The following ANO6 variants were observed in gnomAD, a reference collection of about 807,000 sequenced individuals.
ANO6 encodes the protein anoctamin-6.
In ANO6, 106 loss-of-function variants were observed where a neutral mutation model predicts 117.5. The observed-to-expected ratio is 0.90, with a 90% CI of 0.77 to 1.06. The LOEUF (loss-of-function observed/expected upper bound fraction) is 1.06. Ranked by LOEUF, ANO6 falls within the 50% of genes least tolerant of loss-of-function variation. ANO6 has a pLI of 0.00. For missense variants in ANO6, 955 were observed against 1,121.1 expected (o/e 0.85, Z 2.12); for synonymous variants, 367 against 385.1 (o/e 0.95, Z 0.55).
At chr12:45,333,502 A>T (rs6582545) in intron 3 of ANO6, among the ~76,000 whole-genome samples, 60,726 of 151,822 alleles carry the variant, frequency 0.4, 12,621 homozygotes, top group South Asian at 0.58. Context: ...TACTGCCATG[A>T]TGAAGGGCCC....
In ANO6 at chr12:45,309,922, G is replaced by A. The variant is rs17095721; in HGVS notation, c.150+7829G>A. On this transcript the variant is annotated intron_variant, in intron 2 of 19. Transcript: ENST00000320560. ...CAAAGGAACATTAATTTGGCAAAAG[G>A]ACTCTGAAAAGGGGGAAATGAGATC... Among the ~76,000 whole-genome samples the A allele has an allele frequency of 2.0e-5, 3 of 152,044 alleles. No individual in the cohort carries two copies. The South Asian group carries it at 6.2e-4, about 32-fold the overall frequency.
chr12:45,331,617 A>C (rs1297421246), intron 3 of ANO6, among the ~76,000 whole-genome samples, 194 bp downstream of exon 3: 1 of 152,112 alleles, frequency 6.6e-6, no homozygotes, highest in African/African-American at 2.4e-5. Context: ...AAACTTCCTC[A>C]GGCTCTTAAC....
At chr12:45,392,353 C>T (rs1422814018) in intron 12 of ANO6, among the ~76,000 whole-genome samples, 1 of 152,208 alleles carries the variant, frequency 6.6e-6, no homozygotes, top group Non-Finnish European at 1.5e-5. Context: ...CCAGGAAGCT[C>T]AAACTGGGCA....
chr12:45,348,538 G>A lies in ANO6; in HGVS notation c.654G>A (p.Arg218=). Residue 218 remains arginine, a synonymous_variant, in exon 6 of 20, where the codon CGG becomes CGA. Transcript: ENST00000320560. ...TTTAGGTTTACTTCATCCTCTCTCGGGTCAAGTATCAAGTGATAAACAATG... is the reference window on the plus strand; with the variant it reads ...TTTAGGTTTACTTCATCCTCTCTCGAGTCAAGTATCAAGTGATAAACAATG... ...RSRIVYFILS[R]VKYQVINNVS... The A allele has an allele frequency of 6.2e-7, 1 of 1,613,752 alleles. No homozygotes were observed. The highest frequency in any genetic ancestry group is 8.5e-7 in the Non-Finnish European group (1 of 1,179,854).
chr12:45,229,492 C>T (rs565045811), intron 1 of ANO6, among the ~76,000 whole-genome samples: 4 of 149,464 alleles, frequency 2.7e-5, no homozygotes, highest in Non-Finnish European at 4.4e-5. Context: ...TGGGTTCAAG[C>T]GAGTCTCCTG....
Position 45,293,071 on chromosome 12 carries a change from T to G in ANO6, c.71-8943T>G, listed in dbSNP as rs60840825. Reference sequence around the variant, plus strand: ...TTGAAGGGACACTGTATTATTAGTCTGCTTTGTGTGTGTGTCACAGTATGG... The same window carrying G: ...TTGAAGGGACACTGTATTATTAGTCGGCTTTGTGTGTGTGTCACAGTATGG... On this transcript the variant is annotated intron_variant, in intron 1 of 19. Coordinates refer to ENST00000320560, the MANE Select transcript of ANO6 (RefSeq NM_001025356.3). 3.4e-3 allele frequency: 4,398 copies of G among 1,276,388 alleles called. 88 individuals carry two copies. The African/African-American group carries it at 0.054, about 16-fold the overall frequency. 79.1% of individuals were successfully genotyped at this position (1,276,388 alleles called of 1,614,324 possible).
Position 45,378,131 on chromosome 12 carries a change from T to C in ANO6, c.1165+18T>C. 1 of 1,603,528 alleles carries C rather than the reference T, an allele frequency of 6.2e-7. No individual in the cohort carries two copies. The highest frequency in any genetic ancestry group is 8.5e-7 in the Non-Finnish European group (1 of 1,174,260). The stretch of plus-strand genomic sequence containing the variant: ...AGTATGGGGTAAGTTTTTTTTTTTT[T>C]TTTCATGCACTCAATTTGATAGTAT... On this transcript the variant is annotated intron_variant, in intron 10 of 19. Transcript: ENST00000320560.
intron 3 of ANO6, chr12:45,335,663 A>G (rs2137414062): frequency 6.6e-6 from 1 of 152,182 alleles, no homozygotes; most frequent in Non-Finnish European, 1.5e-5. Flanking sequence ...TTTCTTAAAA[A>G]GTCCAAAATT....
At chr12:45,366,232 CT>C (rs922872755) in intron 8 of ANO6, among the ~76,000 whole-genome samples, 2 of 151,508 alleles carry the variant, frequency 1.3e-5, no homozygotes, top group African/African-American at 4.9e-5. Flanking sequence ...ATTTTTCTCC[CT>C]TTAATGTTAT....
chr12:45,287,562 C>T (rs768902646), intron 1 of ANO6, among the ~76,000 whole-genome samples: 2 of 152,172 alleles, frequency 1.3e-5, no homozygotes, highest in Non-Finnish European at 2.9e-5. Context: ...TGAAAAGTAG[C>T]TGGCTCCTGG....
intron 15 of ANO6, among the ~76,000 whole-genome samples, chr12:45,408,384 T>A (rs1388449732): frequency 6.6e-6 from 1 of 152,184 alleles, no homozygotes; most frequent in Non-Finnish European, 1.5e-5. Context: ...CACCTCATTT[T>A]ACTGCCAACT....
intron 3 of ANO6, among the ~76,000 whole-genome samples, chr12:45,337,858 G>A (rs1488126188): frequency 2.0e-5 from 3 of 151,848 alleles, no homozygotes; most frequent in South Asian, 2.1e-4. Flanking sequence ...CATTATATAT[G>A]CATATTTTAA....
chr12:45,361,286 T>A (rs1252786457), intron 8 of ANO6, among the ~76,000 whole-genome samples: 1 of 152,154 alleles, frequency 6.6e-6, no homozygotes, highest in African/African-American at 2.4e-5. Flanking sequence ...CTAAGTACAT[T>A]GTTCTTTTGA....
chr12:45,345,124 G>A (rs1941093956), intron 3 of ANO6, among the ~76,000 whole-genome samples: 1 of 152,132 alleles, frequency 6.6e-6, no homozygotes, highest in Non-Finnish European at 1.5e-5. Context: ...ATAGTTAAAT[G>A]TACTATATCT....
chr12:45,348,355 T>G (rs374635773), intron 5 of ANO6, 40 bp downstream of exon 5: 12 of 1,613,238 alleles, frequency 7.4e-6, no homozygotes, highest in Non-Finnish European at 9.3e-6. Context: ...TTGGGGTAAT[T>G]TGGAACCTGC....
rs1030010897 is a variant in ANO6, at chr12:45,216,155, G to C, written c.-167G>C. 14 of 721,822 alleles carry C rather than the reference G, an allele frequency of 1.9e-5. No homozygotes were observed. Among genetic ancestry groups the C allele is most frequent in the South Asian group, 1.2e-4 (7 of 56,546 alleles). 44.7% of individuals were successfully genotyped at this position (721,822 alleles called of 1,614,324 possible). A position where few individuals can be genotyped will look rare whatever the true frequency, so the allele number is the denominator to read the frequency against. ...CTCCGGCTCTGGGCTCCGGTCGGTG[G>C]GTGCCTCGGCTCGGCTTTCCCCGGC... On this transcript the variant is annotated 5_prime_UTR_variant, in exon 1 of 20. Transcript: ENST00000320560.
intron 2 of ANO6, among the ~76,000 whole-genome samples, chr12:45,325,688 CTATT>C (rs1292805286): frequency 6.6e-6 from 1 of 152,050 alleles, no homozygotes; most frequent in Non-Finnish European, 1.5e-5. Context: ...CATTTATTGA[CTATT>C]TATTGTTCTG....
At chr12:45,260,904 C>T (rs962931205) in intron 1 of ANO6, among the ~76,000 whole-genome samples, 1 of 152,120 alleles carries the variant, frequency 6.6e-6, no homozygotes, top group African/African-American at 2.4e-5. Flanking sequence ...CCTCTTGCTT[C>T]TGCTTCTTGA....
chr12:45,235,387 A>G (rs1003359828), intron 1 of ANO6, among the ~76,000 whole-genome samples: 2 of 152,224 alleles, frequency 1.3e-5, no homozygotes, highest in African/African-American at 2.4e-5. Flanking sequence ...AGAGTGGGGT[A>G]CAGTTTCCTG....
Sources: allele counts gnomAD v4.1 joint callset (sites outside exome capture counted in the v4.1 genomes callset), GRCh38; gene constraint gnomAD v4.1.1; transcripts MANE v1.5; gene names NCBI Gene and HGNC (gene_info 2026-07-23, HGNC 2026-07-21).